Variants in C3 observed in about 807,000 individuals in gnomAD.
C3 encodes the protein C3 and PZP-like alpha-2-macroglobulin domain-containing protein 1.
C3 carries 97 observed loss-of-function variants against 207.9 expected under a neutral mutation model. The ratio of observed to expected loss-of-function variants is 0.47; its 90% CI spans 0.40 to 0.55. C3 has a LOEUF of 0.55. Among genes scored for constraint, C3 ranks in the 20% least tolerant of loss-of-function variants. C3 has a pLI of 0.00. For synonymous variants in C3, 848 were observed against 857.6 expected (o/e 0.99, Z 0.20); for missense variants, 1,684 against 2,171.7 (o/e 0.78, Z 4.46).
intron 21 of C3, among the ~76,000 whole-genome samples, chr19:6,697,114 G>A (rs2145411309): frequency 1.3e-5 from 2 of 151,284 alleles, no homozygotes; most frequent in South Asian, 4.2e-4. Context: ...ATTGATTGGT[G>A]ATGGTCGACG....
Position 6,710,975 on chromosome 19 carries a change from G to A in C3, c.1479+12C>T. The A allele has an allele frequency of 1.2e-6, 2 of 1,613,530 alleles. No individual in the cohort carries two copies. Among genetic ancestry groups the A allele is most frequent in the Middle Eastern group, 1.6e-4 (1 of 6,062 alleles). On this transcript the variant is annotated intron_variant, in intron 12 of 40. Transcript: ENST00000245907. ...AGGAGGCGGGGGCTGAGGTTTCCAG[G>A]TGGCCACGGACCAGGTAGGTGTAGT...
intron 16 of C3, 42 bp downstream of exon 16, chr19:6,707,424 G>C (rs1967804607): frequency 1.2e-6 from 2 of 1,609,838 alleles, no homozygotes; most frequent in Admixed American, 1.7e-5. Context: ...GGGTCTCCTG[G>C]GGTGGGGCTC....
At chr19:6,698,858 G>A (rs1309687731) in intron 19 of C3, among the ~76,000 whole-genome samples, 3 of 152,122 alleles carry the variant, frequency 2.0e-5, no homozygotes, top group East Asian at 1.9e-4. Context: ...GCAGTGGCGT[G>A]ATCTTGGCTC....
Position 6,694,689 on chromosome 19 carries a change from G to A in C3, c.2951-55C>T, listed in dbSNP as rs1918264183. 4 of 1,542,638 alleles carry A rather than the reference G, an allele frequency of 2.6e-6. No homozygotes were observed. In the South Asian group the frequency reaches 4.6e-5, roughly 18 times the overall value. On this transcript the variant is annotated intron_variant, in intron 23 of 40. Coordinates refer to ENST00000245907, the MANE Select transcript of C3 (RefSeq NM_000064.4). ...AAGCCAGGTGGGTGACCCACCTTGG[G>A]GTGGCGTGAAAAGGGTTCCAGCCTC...
intron 19 of C3, among the ~76,000 whole-genome samples, chr19:6,701,758 G>A (rs918946056): frequency 2.0e-5 from 3 of 152,098 alleles, no homozygotes; most frequent in African/African-American, 7.2e-5. Flanking sequence ...CTCCTGACCT[G>A]AAGTGATTCC....
rs1918000894 is a variant in C3, at chr19:6,686,110, G to A, written c.3810+14C>T. 6 of 1,613,634 alleles carry A rather than the reference G, an allele frequency of 3.7e-6. No individual in the cohort carries two copies. In the East Asian group the frequency reaches 8.9e-5, roughly 24 times the overall value. On this transcript the variant is annotated intron_variant, in intron 29 of 40. Transcript: ENST00000245907. Reference sequence around the variant, plus strand: ...ACAGGGATGCATGTGCCTAGGGGCTGTGGGCCCACTTGCCTGGGTAGAGCC... The same window carrying A: ...ACAGGGATGCATGTGCCTAGGGGCTATGGGCCCACTTGCCTGGGTAGAGCC...
intron 17 of C3, among the ~76,000 whole-genome samples, chr19:6,706,671 G>C (rs565929602): frequency 1.9e-5 from 2 of 105,032 alleles, no homozygotes; most frequent in South Asian, 6.3e-4. Flanking sequence ...TCAGACAGGG[G>C]ACTCCTCCCC....
At position 6,697,209 on chromosome 19, in the gene C3, G is replaced by A. The variant is rs560126781; in HGVS notation, c.2796+135C>T. 2.7e-5 allele frequency: 20 copies of A among 741,282 alleles called. No homozygotes were observed. The African/African-American group carries it at 2.8e-4, about 10-fold the overall frequency. 45.9% of individuals were successfully genotyped at this position (741,282 alleles called of 1,614,324 possible). A position where few individuals can be genotyped will look rare whatever the true frequency, so the allele number is the denominator to read the frequency against. ...TCCTGGCTCTGCTTCTGAAATTCTGGGACTTCCAAATTTCCTAAGCTGGAC... is the reference window on the plus strand; with the variant it reads ...TCCTGGCTCTGCTTCTGAAATTCTGAGACTTCCAAATTTCCTAAGCTGGAC... On this transcript the variant is annotated intron_variant, in intron 21 of 40. Coordinates refer to ENST00000245907, the MANE Select transcript of C3 (RefSeq NM_000064.4).
At chr19:6,703,273 A>T (rs1329814859) in intron 17 of C3, among the ~76,000 whole-genome samples, 1 of 152,124 alleles carries the variant, frequency 6.6e-6, no homozygotes, top group Non-Finnish European at 1.5e-5. Context: ...TACAATGCAG[A>T]CTGGATTATA....
intron 17 of C3, among the ~76,000 whole-genome samples, chr19:6,706,584 TC>T (rs2145421502): frequency 7.1e-6 from 1 of 140,776 alleles, no homozygotes; most frequent in African/African-American, 2.7e-5. Flanking sequence ...GGGCCTCCTC[TC>T]CCAACAGACA....
intron 4 of C3, chr19:6,717,613 GT>G (rs1398113014): frequency 3.7e-6 from 1 of 271,752 alleles, no homozygotes; most frequent in East Asian, 8.9e-5. Context: ...GTGTTTGTGT[GT>G]GTTGTGTGAT....
chr19:6,714,973 G>A (rs562788454), intron 4 of C3, among the ~76,000 whole-genome samples: 1 of 152,292 alleles, frequency 6.6e-6, no homozygotes, highest in South Asian at 2.1e-4. Context: ...TGCTCAATGT[G>A]CAAATCTTGA....
At chr19:6,700,012 CAA>C (rs1967609834) in intron 19 of C3, among the ~76,000 whole-genome samples, 4 of 147,138 alleles carry the variant, frequency 2.7e-5, no homozygotes, top group Admixed American at 6.8e-5. Context: ...TCAACAATAA[CAA>C]ATGACATATT....
In C3 at chr19:6,677,863, T is replaced by G. The variant is rs1412185965; in HGVS notation, c.*19A>C. On this transcript the variant is annotated 3_prime_UTR_variant, in exon 41 of 41. Coordinates refer to ENST00000245907, the MANE Select transcript of C3 (RefSeq NM_000064.4). ...GATATAACTGAAGCTTTATCTGGAG[T>G]GGGGGAATGGGGGTGTGGTCAGTTG... 2 of 1,612,264 alleles carry G rather than the reference T, an allele frequency of 1.2e-6. No individual in the cohort carries two copies. The highest frequency in any genetic ancestry group is 4.5e-5 in the East Asian group (2 of 44,766).
rs559302635 is a variant in C3 at position 6,678,436 on chromosome 19, G to C, written c.4650C>G (p.Val1550=). ...CAAAGTCATTGGACAGCTGAACCTT[G>C]ACCAGTCGGGTCTTGTACACTGTGG... ...GVDYVYKTRL[V]KVQLSNDFDE... The change falls in exon 39 of 41, where the codon GTC becomes GTG. Residue 1550 remains valine (V), a synonymous_variant. Transcript: ENST00000245907. The C allele has an allele frequency of 6.2e-7, 1 of 1,614,096 alleles. No individual in the cohort carries two copies. Among genetic ancestry groups the C allele is most frequent in the Non-Finnish European group, 8.5e-7 (1 of 1,179,996 alleles).
intron 19 of C3, among the ~76,000 whole-genome samples, chr19:6,700,006 CAAT>C (rs1967609724): frequency 1.4e-5 from 2 of 147,252 alleles, no homozygotes; most frequent in Admixed American, 6.8e-5. Context: ...AACATGTCAA[CAAT>C]AACAAATGAC....
intron 30 of C3, 66 bp from the exon 31 acceptor site, chr19:6,684,900 C>T: frequency 6.2e-7 from 1 of 1,604,942 alleles, no homozygotes. Flanking sequence ...GTGATGGTCA[C>T]CTGGCCCTCC....
At chr19:6,698,309 T>C (rs1047188285) in intron 19 of C3, among the ~76,000 whole-genome samples, 2 of 152,042 alleles carry the variant, frequency 1.3e-5, no homozygotes, top group African/African-American at 4.8e-5. Context: ...CCACTGCGCC[T>C]GGCCGGAGTT....
At chr19:6,681,387 G>GA (rs1002860411) in intron 35 of C3, among the ~76,000 whole-genome samples, 10 of 136,428 alleles carry the variant, frequency 7.3e-5, no homozygotes, top group African/African-American at 1.9e-4. Context: ...TAATATTTAT[G>GA]AAAAAAAAAT....
Sources: allele counts gnomAD v4.1 joint callset (sites outside exome capture counted in the v4.1 genomes callset), GRCh38; gene constraint gnomAD v4.1.1; transcripts MANE v1.5; gene names NCBI Gene and HGNC (gene_info 2026-07-23, HGNC 2026-07-21).